The following KANK1 variants were observed in gnomAD, a reference collection of about 807,000 sequenced individuals.
The protein encoded by KANK1 is KN motif and ankyrin repeat domains 1.
In KANK1, 109 loss-of-function variants were observed where a neutral mutation model predicts 106.2. The observed-to-expected ratio is 1.03, with a 90% CI of 0.88 to 1.20. KANK1 has a LOEUF of 1.20. KANK1 is among the 50% of genes most tolerant of loss of function. The pLI, the probability that KANK1 is intolerant of heterozygous loss-of-function variation, is 0.00. For synonymous variants in KANK1, 873 were observed against 652.2 expected, an observed-to-expected ratio of 1.34 and a Z score of -5.16; for missense variants, 2,399 against 1,710.7, an observed-to-expected ratio of 1.40 and a Z score of -7.10.
At chr9:620,801 C>T (rs570324360) in intron 1 of KANK1, among the ~76,000 whole-genome samples, 1 of 152,052 alleles carries the variant, frequency 6.6e-6, no homozygotes, top group Non-Finnish European at 1.5e-5. Context: ...AATATTGGAG[C>T]ATAATAGAAT....
Position 515,567 on chromosome 9 carries a change from A to G in KANK1, c.-84+10813A>G, listed in dbSNP as rs1000121351. ...TTCTGAGAATTAAGGTATTTAAAGGATGAAACTGCTCATACTGTATTACTC... is the reference window on the plus strand; with the variant it reads ...TTCTGAGAATTAAGGTATTTAAAGGGTGAAACTGCTCATACTGTATTACTC... On this transcript the variant is annotated intron_variant, in intron 1 of 11. Coordinates refer to ENST00000382297, the MANE Select transcript of KANK1 (RefSeq NM_015158.5). Among the ~76,000 whole-genome samples, 72 of 151,792 alleles carry G rather than the reference A, an allele frequency of 4.7e-4. 1 individual carries two copies. Among genetic ancestry groups the G allele is most frequent in the Non-Finnish European group, 1.0e-4 (7 of 68,032 alleles).
intron 1 of KANK1, among the ~76,000 whole-genome samples, chr9:563,160 T>G (rs1816926831): frequency 6.6e-6 from 1 of 150,626 alleles, no homozygotes; most frequent in Non-Finnish European, 1.5e-5. Context: ...TAAAATCACT[T>G]CGAGCAAATG....
chr9:602,241 C>T (rs7024388), intron 1 of KANK1, among the ~76,000 whole-genome samples: 4,088 of 151,672 alleles, frequency 0.027, 284 homozygotes, highest in African/African-American at 0.094. Flanking sequence ...ATTTTTAGCC[C>T]ATTCCATTTT....
intron 1 of KANK1, among the ~76,000 whole-genome samples, chr9:601,255 G>C (rs1465301485): frequency 6.6e-6 from 1 of 151,758 alleles, no homozygotes; most frequent in Non-Finnish European, 1.5e-5. Context: ...TCAAAATTGG[G>C]AATCTAAATT....
chr9:673,767 A>G (rs987828481), intron 1 of KANK1: 5 of 152,028 alleles, frequency 3.3e-5, no homozygotes, highest in Admixed American at 3.3e-4. Flanking sequence ...CCCCTAGCAC[A>G]TGCAGCTTGT....
chr9:712,242 G>A lies in KANK1; in HGVS notation c.1476G>A (p.Leu492=). 6.2e-7 allele frequency: 1 copy of A among 1,614,166 alleles called. No homozygotes were observed. The highest frequency in any genetic ancestry group is 8.5e-7 in the Non-Finnish European group (1 of 1,180,012). Residue 492 remains leucine (L), a synonymous_variant, in exon 3 of 12, where the codon CTG becomes CTA. Transcript: ENST00000382297. ...AGATGACTAAACTGAAACAAGAGCT[G>A]CAGGCTGCTGGATCGAGGAAAAAGG... ...DREMTKLKQE[L]QAAGSRKKVD...
intron 2 of KANK1, among the ~76,000 whole-genome samples, chr9:692,975 C>G (rs1254349649): frequency 6.6e-6 from 1 of 151,976 alleles, no homozygotes; most frequent in Non-Finnish European, 1.5e-5. Context: ...GTACTCCAGC[C>G]TAAGTGACAG....
At chr9:659,608 A>G (rs951075913) in intron 1 of KANK1, among the ~76,000 whole-genome samples, 2 of 152,222 alleles carry the variant, frequency 1.3e-5, no homozygotes, top group African/African-American at 2.4e-5. Context: ...CAGGCTGTAA[A>G]GAAGCATGGC....
chr9:518,734 C>T (rs561213927), intron 1 of KANK1, among the ~76,000 whole-genome samples: 13 of 151,214 alleles, frequency 8.6e-5, no homozygotes, highest in Non-Finnish European at 1.6e-4. Flanking sequence ...GCTAGAGGAG[C>T]GGAGAAAGGG....
At chr9:474,934 T>G (rs1232670765) in intron 3 of KANK1, among the ~76,000 whole-genome samples, 1 of 152,114 alleles carries the variant, frequency 6.6e-6, no homozygotes, top group Non-Finnish European at 1.5e-5. Flanking sequence ...TTACAGTAGA[T>G]AGGCAGACAT....
chr9:717,494 G>T (rs1828040276), intron 3 of KANK1, among the ~76,000 whole-genome samples: 1 of 152,100 alleles, frequency 6.6e-6, no homozygotes, highest in African/African-American at 2.4e-5. Flanking sequence ...CACCTAAAAG[G>T]TCACGAACAT....
At chr9:501,274 G>C (rs534797732), upstream of KANK1, among the ~76,000 whole-genome samples, 2 of 152,238 alleles carry the variant, frequency 1.3e-5, no homozygotes, top group Non-Finnish European at 2.9e-5. Context: ...AGAACTTTCA[G>C]CAAGGACCAG....
intron 10 of KANK1, among the ~76,000 whole-genome samples, chr9:744,071 G>A (rs561922898): frequency 6.6e-4 from 100 of 152,274 alleles, no homozygotes; most frequent in African/African-American, 2.2e-3. Flanking sequence ...GCCTTAAACC[G>A]AGGTGGTTTA....
At chr9:557,384 T>C (rs1043752724) in intron 1 of KANK1, among the ~76,000 whole-genome samples, 1 of 152,176 alleles carries the variant, frequency 6.6e-6, no homozygotes, top group Admixed American at 6.5e-5. Flanking sequence ...GTATTCAATA[T>C]AGTATTCTCT....
chr9:744,388 G>A (rs1201536786), intron 10 of KANK1, 103 bp from the exon 11 acceptor site: 1 of 1,340,752 alleles, frequency 7.5e-7, no homozygotes, highest in Non-Finnish European at 1.0e-6. Context: ...GGGATATTTG[G>A]GGAACCTTGC....
chr9:499,489 T>C (rs1307301785), intron 3 of KANK1, among the ~76,000 whole-genome samples: 1 of 152,166 alleles, frequency 6.6e-6, no homozygotes, highest in Non-Finnish European at 1.5e-5. Flanking sequence ...CTGCCACAGT[T>C]CCACTATTGC....
At chr9:683,526 G>C (rs1452012693) in intron 2 of KANK1, among the ~76,000 whole-genome samples, 1 of 152,190 alleles carries the variant, frequency 6.6e-6, no homozygotes, top group Non-Finnish European at 1.5e-5. Context: ...AGTTGGACAT[G>C]GAGAACATTT....
chr9:727,999 G>C (rs1372066168), intron 3 of KANK1, among the ~76,000 whole-genome samples: 2 of 152,004 alleles, frequency 1.3e-5, no homozygotes, highest in Non-Finnish European at 2.9e-5. Flanking sequence ...CCTCCCTTTG[G>C]AATTCAGGCA....
chr9:581,099 C>T (rs1428199997), intron 1 of KANK1, among the ~76,000 whole-genome samples: 1 of 152,128 alleles, frequency 6.6e-6, no homozygotes, highest in East Asian at 1.9e-4. Context: ...CCTGGCCTAC[C>T]CAGAACTCCT....
Sources: allele counts gnomAD v4.1 joint callset (sites outside exome capture counted in the v4.1 genomes callset), GRCh38; gene constraint gnomAD v4.1.1; transcripts MANE v1.5; gene names NCBI Gene and HGNC (gene_info 2026-07-23, HGNC 2026-07-21).